SORCS1: variants seen among roughly 807,000 people sequenced by gnomAD.
The protein encoded by SORCS1 is sortilin related VPS10 domain containing receptor 1.
In SORCS1, 60 loss-of-function variants were observed where a neutral mutation model predicts 146.1. That is an observed-to-expected ratio of 0.41 (90% confidence interval 0.33 to 0.51). The LOEUF is 0.51. Among genes scored for constraint, SORCS1 ranks in the 20% least tolerant of loss-of-function variants. The probability of loss-of-function intolerance (pLI) is 0.21; values close to 1 mark genes in which losing one functional copy is unlikely to be tolerated. For missense variants in SORCS1, 1,352 were observed against 1,487.6 expected (o/e 0.91, Z 1.50); for synonymous variants, 637 against 584.0 (o/e 1.09, Z -1.31).
intron 21 of SORCS1, among the ~76,000 whole-genome samples, chr10:106,617,080 G>A (rs1239173749): frequency 6.6e-6 from 1 of 151,796 alleles, no homozygotes; most frequent in Non-Finnish European, 1.5e-5. Flanking sequence ...TCAGCCTCCT[G>A]AGTAGCTGGG....
At chr10:106,749,620 G>A (rs773955325) in intron 5 of SORCS1, among the ~76,000 whole-genome samples, 39 of 152,140 alleles carry the variant, frequency 2.6e-4, no homozygotes, top group Non-Finnish European at 4.1e-4. Flanking sequence ...CACTGTTCCT[G>A]ATTCTGGACA....
chr10:106,987,855 T>G (rs990763966), intron 1 of SORCS1, among the ~76,000 whole-genome samples: 3 of 152,184 alleles, frequency 2.0e-5, no homozygotes, highest in Admixed American at 6.5e-5. Context: ...AAGATAATAA[T>G]TTTTATTATA....
At chr10:106,743,889 T>C (rs1330555180) in intron 5 of SORCS1, among the ~76,000 whole-genome samples, 1 of 152,208 alleles carries the variant, frequency 6.6e-6, no homozygotes, top group African/African-American at 2.4e-5. Flanking sequence ...TAACCACCTT[T>C]AATATTTTGC....
chr10:106,883,752 T>G (rs1201233073), intron 2 of SORCS1, among the ~76,000 whole-genome samples: 1 of 152,194 alleles, frequency 6.6e-6, no homozygotes, highest in African/African-American at 2.4e-5. Flanking sequence ...GTATATCTAT[T>G]GCCAGCTCTA....
At chr10:106,925,465 AGGCTAAGAGGT>A (rs1952967641) in intron 2 of SORCS1, among the ~76,000 whole-genome samples, 1 of 152,216 alleles carries the variant, frequency 6.6e-6, no homozygotes, top group African/African-American at 2.4e-5. Context: ...TGAAATACAG[AGGCTAAGAGGT>A]GGCCCCTCCT....
intron 2 of SORCS1, among the ~76,000 whole-genome samples, chr10:106,919,755 T>C (rs1029842836): frequency 2.6e-5 from 4 of 152,210 alleles, no homozygotes; most frequent in East Asian, 1.9e-4. Context: ...TTTCTATAGA[T>C]TGGGAGCAAC....
chr10:106,716,005 C>G (rs527403401), intron 6 of SORCS1, among the ~76,000 whole-genome samples: 4 of 152,156 alleles, frequency 2.6e-5, no homozygotes, highest in Non-Finnish European at 4.4e-5. Flanking sequence ...TCTGCCTCAG[C>G]CTCCCAAAGT....
intron 9 of SORCS1, among the ~76,000 whole-genome samples, chr10:106,691,581 T>A (rs1344514789): frequency 2.0e-5 from 3 of 152,210 alleles, no homozygotes; most frequent in Non-Finnish European, 4.4e-5. Flanking sequence ...GTGCATTTCC[T>A]GTTGCCAACG....
At position 106,818,772 on chromosome 10, in the gene SORCS1, G is replaced by A. The variant is rs559578504; in HGVS notation, c.726+10802C>T. Among the ~76,000 whole-genome samples, 4 of 152,256 alleles carry A rather than the reference G, an allele frequency of 2.6e-5. No individual in the cohort carries two copies. In the South Asian group the frequency reaches 6.2e-4, roughly 24 times the overall value. ...AACTACGTCAAGATATGCATTGTGC[G>A]CTTGTGGACACTAGTTTCTCATAGT... On this transcript the variant is annotated intron_variant, in intron 3 of 25. Coordinates refer to ENST00000263054, the MANE Select transcript of SORCS1 (RefSeq NM_052918.5).
At chr10:107,180,201 C>T in the SORCS1 span, among the ~76,000 whole-genome samples, 16 of 152,206 alleles carry the variant, frequency 1.1e-4, no homozygotes, top group African/African-American at 3.6e-4. Flanking sequence ...CAAGTGTGAG[C>T]CACTGAGACT....
chr10:106,979,381 A>G (rs1409766066), intron 1 of SORCS1, among the ~76,000 whole-genome samples: 1 of 152,108 alleles, frequency 6.6e-6, no homozygotes, highest in Admixed American at 6.5e-5. Flanking sequence ...CTACAGGGGG[A>G]TTTAGAGATT....
chr10:106,990,357 C>A (rs1251404672), intron 1 of SORCS1, among the ~76,000 whole-genome samples: 1 of 152,158 alleles, frequency 6.6e-6, no homozygotes, highest in Admixed American at 6.5e-5. Flanking sequence ...GCAACCTTCA[C>A]CTCCTGGGTT....
At chr10:106,874,430 T>C (rs577790634) in intron 2 of SORCS1, among the ~76,000 whole-genome samples, 2 of 152,310 alleles carry the variant, frequency 1.3e-5, no homozygotes, top group African/African-American at 4.8e-5. Flanking sequence ...AAGGACAATA[T>C]ATGACAGACA....
chr10:107,054,681 C>A (rs942891955), intron 1 of SORCS1, among the ~76,000 whole-genome samples: 2 of 152,166 alleles, frequency 1.3e-5, no homozygotes, highest in Non-Finnish European at 2.9e-5. Context: ...GCTGTGAACT[C>A]TACTCCCTGG....
intron 4 of SORCS1, among the ~76,000 whole-genome samples, chr10:106,762,564 T>A (rs1479523683): frequency 1.3e-5 from 2 of 151,394 alleles, no homozygotes; most frequent in African/African-American, 4.9e-5. Flanking sequence ...GGCTAATTTT[T>A]TTTTTTGTAT....
intron 1 of SORCS1, among the ~76,000 whole-genome samples, chr10:106,961,850 C>T (rs1417414312): frequency 6.6e-6 from 1 of 152,236 alleles, no homozygotes; most frequent in Non-Finnish European, 1.5e-5. Flanking sequence ...AGCCCATACA[C>T]TGCTACTCTG....
chr10:106,575,032 T>G lies in SORCS1; in HGVS notation c.*2388A>C, dbSNP rs1392926226. 4.6e-5 allele frequency: 7 copies of G among 152,644 alleles called. No homozygotes were observed. Among genetic ancestry groups the G allele is most frequent in the Admixed American group, 4.6e-4 (7 of 15,274 alleles). 9.5% of individuals were successfully genotyped at this position (152,644 alleles called of 1,614,324 possible). A position where few individuals can be genotyped will look rare whatever the true frequency, so the allele number is the denominator to read the frequency against. Reference sequence around the variant, plus strand: ...TGTGCTAGAATAAGAGTGTTATACCTCTTTCATACTTTTCTAATTAAAATG... The same window carrying G: ...TGTGCTAGAATAAGAGTGTTATACCGCTTTCATACTTTTCTAATTAAAATG... On this transcript the variant is annotated 3_prime_UTR_variant, in exon 26 of 26. Transcript: ENST00000263054.
chr10:106,660,319 G>T (rs1021179443), intron 17 of SORCS1, among the ~76,000 whole-genome samples: 1 of 152,110 alleles, frequency 6.6e-6, no homozygotes, highest in East Asian at 1.9e-4. Context: ...GTGATGTTTT[G>T]ATACATATAT....
At chr10:107,103,084 A>C (rs1965053089) in intron 1 of SORCS1, among the ~76,000 whole-genome samples, 2 of 152,350 alleles carry the variant, frequency 1.3e-5, no homozygotes, top group South Asian at 4.1e-4. Context: ...CAATAAACTC[A>C]GGAGAATATG....
Sources: allele counts gnomAD v4.1 joint callset (sites outside exome capture counted in the v4.1 genomes callset), GRCh38; gene constraint gnomAD v4.1.1; transcripts MANE v1.5; gene names NCBI Gene and HGNC (gene_info 2026-07-23, HGNC 2026-07-21).